The following RIPK2 variants were observed in gnomAD, a reference collection of about 807,000 sequenced individuals.
The protein encoded by RIPK2 is receptor interacting serine/threonine kinase 2.
Under a neutral mutation model 60.9 loss-of-function variants are expected in RIPK2, and 38 were observed. That is an observed-to-expected ratio of 0.62 (90% CI 0.48 to 0.82). The LOEUF (loss-of-function observed/expected upper bound fraction) is 0.82, where lower values mean the gene tolerates loss of function less well. Among genes scored for constraint, RIPK2 ranks in the 40% least tolerant of loss-of-function variants. The pLI, the probability that RIPK2 is intolerant of heterozygous loss-of-function variation, is 0.00. For missense variants in RIPK2, 518 were observed against 647.0 expected, an observed-to-expected ratio of 0.80 and a Z score of 2.16; for synonymous variants, 225 against 223.4, an observed-to-expected ratio of 1.01 and a Z score of -0.06.
intron 3 of RIPK2, 59 bp downstream of exon 3, chr8:89,765,555 T>G: frequency 2.4e-6 from 3 of 1,224,512 alleles, no homozygotes; most frequent in Non-Finnish European, 3.5e-6. Context: ...AAAATACTTT[T>G]TAGTTATTTC....
At chr8:89,764,789 TG>T (rs1809199535) in intron 2 of RIPK2, among the ~76,000 whole-genome samples, 1 of 152,122 alleles carries the variant, frequency 6.6e-6, no homozygotes, top group South Asian at 2.1e-4. Flanking sequence ...TATGATTAAA[TG>T]TATGATAAAT....
In RIPK2 at chr8:89,790,416, AG is replaced by A. The variant is rs776950806; in HGVS notation, c.*1del. On this transcript the variant is annotated 3_prime_UTR_variant, in exon 11 of 11. Transcript: ENST00000220751. ...ATTTACTTCAAAATAAAAGCATGTA[AG>A]TGACTGTTTTTCAAGAAGAAATGTG... The A allele has an allele frequency of 2.2e-5, 35 of 1,560,928 alleles. No individual in the cohort carries two copies. The highest frequency in any genetic ancestry group is 2.7e-5 in the Non-Finnish European group (31 of 1,152,364).
chr8:89,786,819 C>A, intron 9 of RIPK2, 133 bp downstream of exon 9: 1 of 646,186 alleles, frequency 1.5e-6, no homozygotes, highest in Non-Finnish European at 2.8e-6. Flanking sequence ...GCGACAGAGT[C>A]TAAAGATAGG....
chr8:89,758,755 G>A (rs1169279645), intron 1 of RIPK2, among the ~76,000 whole-genome samples: 2 of 152,096 alleles, frequency 1.3e-5, no homozygotes, highest in African/African-American at 4.8e-5. Flanking sequence ...ACCAGAGTTC[G>A]AATGCTTAGT....
intron 3 of RIPK2, among the ~76,000 whole-genome samples, chr8:89,765,976 AACACT>A (rs1809223678): frequency 6.6e-6 from 1 of 151,910 alleles, no homozygotes; most frequent in Admixed American, 6.6e-5. Flanking sequence ...CCACAAAGAT[AACACT>A]CATCCTACCT....
intron 2 of RIPK2, among the ~76,000 whole-genome samples, chr8:89,764,065 T>C (rs16900429): frequency 0.24 from 37,027 of 151,960 alleles, 7,842 homozygotes; most frequent in African/African-American, 0.58. Flanking sequence ...AAATATACAG[T>C]GAGCACTTCT....
chr8:89,780,552 T>C (rs1809481595), intron 7 of RIPK2: 1 of 152,718 alleles, frequency 6.5e-6, no homozygotes, highest in Admixed American at 6.6e-5. Flanking sequence ...AACCCTTATA[T>C]ATCAGACATA....
rs1332048891 is a variant in RIPK2, at chr8:89,786,701, C to T, written c.1123+15C>T. On this transcript the variant is annotated intron_variant, in intron 9 of 10. Coordinates refer to ENST00000220751, the MANE Select transcript of RIPK2 (RefSeq NM_003821.6). ...TTTTTTATCTAGTATGTAGATTTTC[C>T]AATCATTATTTACTTGCAAGTTTTC... 7.2e-7 allele frequency: 1 copy of T among 1,392,630 alleles called. No homozygotes were observed. The highest frequency in any genetic ancestry group is 2.3e-5 in the East Asian group (1 of 43,388). 86.3% of individuals were successfully genotyped at this position (1,392,630 alleles called of 1,614,324 possible). A position where few individuals can be genotyped will look rare whatever the true frequency, so the allele number is the denominator to read the frequency against.
intron 6 of RIPK2, among the ~76,000 whole-genome samples, chr8:89,775,819 G>A (rs1233849569): frequency 6.6e-6 from 1 of 152,108 alleles, no homozygotes; most frequent in East Asian, 1.9e-4. Flanking sequence ...AAGGAAACAT[G>A]GAGGATGGGA....
chr8:89,769,214 T>C lies in RIPK2; in HGVS notation c.484-558T>C, dbSNP rs1809275692. Among the ~76,000 whole-genome samples the C allele has an allele frequency of 2.0e-5, 3 of 151,904 alleles. No individual in the cohort carries two copies. The South Asian group carries it at 6.2e-4, about 31-fold the overall frequency. On this transcript the variant is annotated intron_variant, in intron 3 of 10. Transcript: ENST00000220751. ...ATATGTTTTCTTTGCAATTATACTG[T>C]TTCCATGAAATACTTCTTTTAGTGA...
At chr8:89,787,693 T>G (rs1428464479) in intron 9 of RIPK2, among the ~76,000 whole-genome samples, 1 of 152,200 alleles carries the variant, frequency 6.6e-6, no homozygotes, top group Non-Finnish European at 1.5e-5. Context: ...CTATTTGGAC[T>G]TTTTTACTTG....
intron 5 of RIPK2, 91 bp from the exon 6 acceptor site, chr8:89,772,576 T>C: frequency 1.1e-6 from 1 of 917,392 alleles, no homozygotes; most frequent in South Asian, 1.9e-5. Flanking sequence ...AATTTCAATA[T>C]TCACTTATTT....
rs1156432189 is a variant in RIPK2 at position 89,758,230 on chromosome 8, A to G, written c.170A>G (p.Asp57Gly). Residue 57 changes from aspartate (D) to glycine (G), a missense_variant, in exon 1 of 11, where the codon GAC (aspartate) becomes GGC (glycine). Physicochemically the swap from Asp to Gly is moderately conservative, Grantham distance 94 (BLOSUM62 -1). Coordinates refer to ENST00000220751, the MANE Select transcript of RIPK2 (RefSeq NM_003821.6). The part of the protein sequence containing the change: ...KHLHIHTPLL[D>G]SERKDVLREA... ...CTGCACATCCACACTCCGCTGCTCG[A>G]CAGGTAGGCAGTCACTGGGGTTCCC... 6.2e-7 allele frequency: 1 copy of G among 1,603,046 alleles called. No homozygotes were observed. Among genetic ancestry groups the G allele is most frequent in the Non-Finnish European group, 8.5e-7 (1 of 1,175,940 alleles).
chr8:89,770,774 T>G (rs1438698562), intron 4 of RIPK2, among the ~76,000 whole-genome samples: 1 of 151,902 alleles, frequency 6.6e-6, no homozygotes, highest in Admixed American at 6.6e-5. Context: ...TCAAAAGCAT[T>G]TTAATTTTTG....
At chr8:89,759,208 G>A in intron 1 of RIPK2, 1 of 438,758 alleles carries the variant, frequency 2.3e-6, no homozygotes, top group East Asian at 7.0e-5. Flanking sequence ...CAGGTTTTAA[G>A]GGAAGGTTAG....
chr8:89,773,280 T>C (rs1809343658), intron 6 of RIPK2, among the ~76,000 whole-genome samples: 1 of 152,196 alleles, frequency 6.6e-6, no homozygotes, highest in Middle Eastern at 3.4e-3. Flanking sequence ...ACAAAGGCCT[T>C]TTTTTAGGGG....
At chr8:89,761,591 C>T (rs1197321573) in intron 1 of RIPK2, among the ~76,000 whole-genome samples, 1 of 152,060 alleles carries the variant, frequency 6.6e-6, no homozygotes, top group Non-Finnish European at 1.5e-5. Flanking sequence ...ATTCTACTGT[C>T]ATTCCCCAAC....
At position 89,790,495 on chromosome 8, in the gene RIPK2, T is replaced by C; in HGVS notation, c.*79T>C. ...TTGCTTTGACTTTTTTTATATAAAA[T>C]CCGTGAGTATTAAAGCTTTATTGAA... On this transcript the variant is annotated 3_prime_UTR_variant, in exon 11 of 11. Transcript: ENST00000220751. 9.9e-7 allele frequency: 1 copy of C among 1,013,610 alleles called. No homozygotes were observed. The highest frequency in any genetic ancestry group is 1.4e-6 in the Non-Finnish European group (1 of 705,350). The allele number at this position is 1,013,610 out of a possible 1,614,324, so 62.8% of individuals were successfully genotyped here.
chr8:89,783,257 TG>T (rs1168537525), intron 7 of RIPK2, among the ~76,000 whole-genome samples: 1 of 152,212 alleles, frequency 6.6e-6, no homozygotes, highest in African/African-American at 2.4e-5. Context: ...TGAGTAGTGA[TG>T]GAAACTAATC....
Sources: gnomAD v4.1 joint callset for allele counts (sites outside exome capture counted in the v4.1 genomes callset) on GRCh38, gnomAD v4.1.1 for gene constraint, MANE v1.5 for transcripts, NCBI Gene and HGNC (gene_info 2026-07-23, HGNC 2026-07-21) for gene names.